The following TLE4 variants were observed in gnomAD, a reference collection of about 807,000 sequenced individuals.
TLE4 encodes the protein TLE family member 4, transcriptional corepressor.
A neutral mutation model predicts 92.8 loss-of-function variants in TLE4; 8 were observed. The observed-to-expected ratio is 0.09, with a 90% CI of 0.05 to 0.16. The LOEUF is 0.16. TLE4 is among the 10% of genes least tolerant of loss of function. The pLI is 1.00. For synonymous variants in TLE4, 371 were observed against 374.1 expected, an observed-to-expected ratio of 0.99 and a Z score of 0.10; for missense variants, 675 against 997.6, an observed-to-expected ratio of 0.68 and a Z score of 4.36.
intron 4 of TLE4, among the ~76,000 whole-genome samples, chr9:79,602,732 C>T (rs11999556): frequency 0.14 from 21,833 of 152,054 alleles, 1,732 homozygotes; most frequent in African/African-American, 0.2. Context: ...TTCTGTAGCC[C>T]GTGGATCAAG....
At chr9:79,584,325 C>T (rs1297950256) in intron 4 of TLE4, among the ~76,000 whole-genome samples, 3 of 152,208 alleles carry the variant, frequency 2.0e-5, no homozygotes, top group Non-Finnish European at 1.5e-5. Context: ...CCTCCCCTCC[C>T]TTCTACCCTC....
intron 6 of TLE4, among the ~76,000 whole-genome samples, chr9:79,644,014 G>A (rs1016455366): frequency 1.3e-5 from 2 of 151,980 alleles, no homozygotes; most frequent in African/African-American, 4.8e-5. Flanking sequence ...TTTATTATTT[G>A]CCAAACACTG....
intron 8 of TLE4, among the ~76,000 whole-genome samples, chr9:79,683,609 A>G (rs1321239280): frequency 6.6e-6 from 1 of 152,220 alleles, no homozygotes. Flanking sequence ...TTACATCAAC[A>G]TACAACTTTT....
intron 8 of TLE4, among the ~76,000 whole-genome samples, chr9:79,683,489 C>G (rs1263569595): frequency 6.6e-6 from 1 of 152,186 alleles, no homozygotes; most frequent in Non-Finnish European, 1.5e-5. Context: ...CACCATTACT[C>G]TGGTCCCTTA....
chr9:79,573,507 C>G (rs1039707735), intron 1 of TLE4, 182 bp from the exon 2 acceptor site: 10 of 838,754 alleles, frequency 1.2e-5, no homozygotes, highest in Non-Finnish European at 1.5e-5. Context: ...AGGACCACCT[C>G]GAAACCAGCC....
intron 8 of TLE4, among the ~76,000 whole-genome samples, chr9:79,687,136 C>T (rs537132027): frequency 7.9e-5 from 12 of 152,258 alleles, no homozygotes; most frequent in African/African-American, 2.4e-4. Context: ...CCTCAGTTTG[C>T]GTTTATGTAG....
intron 8 of TLE4, among the ~76,000 whole-genome samples, chr9:79,666,016 C>T (rs1054096634): frequency 1.6e-4 from 25 of 152,102 alleles, no homozygotes; most frequent in African/African-American, 5.8e-4. Context: ...TTTGAAAGCA[C>T]AATTTTTTAT....
At position 79,652,622 on chromosome 9, in the gene TLE4, T is replaced by C; in HGVS notation, c.420T>C (p.His140=). ...GQQLQAQHLS[H]GHGLPVPLTP... ...AACTCCAGGCCCAGCATTTATCACA[T>C]GGACATGGTCTCCCCGTACCTCTGA... The change falls in exon 7 of 20, where the codon CAT becomes CAC. Residue 140 remains histidine (H), a synonymous_variant. Coordinates refer to ENST00000376552, the MANE Select transcript of TLE4 (RefSeq NM_007005.6). 6.2e-7 allele frequency: 1 copy of C among 1,614,168 alleles called. No individual in the cohort carries two copies.
At chr9:79,684,719 A>G (rs1054962229) in intron 8 of TLE4, among the ~76,000 whole-genome samples, 1 of 152,130 alleles carries the variant, frequency 6.6e-6, no homozygotes, top group Non-Finnish European at 1.5e-5. Context: ...TCATGTATCT[A>G]TGGTATCCCT....
At chr9:79,655,710 T>G (rs955788350) in intron 8 of TLE4, among the ~76,000 whole-genome samples, 7 of 152,234 alleles carry the variant, frequency 4.6e-5, no homozygotes, top group African/African-American at 1.7e-4. Flanking sequence ...TAGGAAGTAG[T>G]AAGTAAATGC....
intron 8 of TLE4, among the ~76,000 whole-genome samples, chr9:79,664,834 C>T (rs2061130458): frequency 6.6e-6 from 1 of 152,130 alleles, no homozygotes; most frequent in Non-Finnish European, 1.5e-5. Context: ...TTTTGCTCAC[C>T]CTTGTCATTT....
At chr9:79,643,756 A>C (rs12554183) in intron 6 of TLE4, among the ~76,000 whole-genome samples, 21,172 of 152,208 alleles carry the variant, frequency 0.14, 1,856 homozygotes, top group African/African-American at 0.25. Context: ...CACTATGAAT[A>C]ACCTGTTTCC....
At chr9:79,676,273 A>G (rs1025250038) in intron 8 of TLE4, among the ~76,000 whole-genome samples, 1 of 152,158 alleles carries the variant, frequency 6.6e-6, no homozygotes, top group Non-Finnish European at 1.5e-5. Context: ...TACTGAAACT[A>G]TTTTGGCTCA....
intron 4 of TLE4, among the ~76,000 whole-genome samples, chr9:79,588,730 T>C (rs1467399701): frequency 1.3e-5 from 2 of 152,208 alleles, no homozygotes; most frequent in Non-Finnish European, 2.9e-5. Flanking sequence ...CACATGGGAA[T>C]GTTCAGGGAA....
chr9:79,606,187 G>GTTGTTTTTTTTTTTTTTTTTTTT (rs2046834923), intron 4 of TLE4, among the ~76,000 whole-genome samples: 1 of 28,674 alleles, frequency 3.5e-5, no homozygotes, highest in Non-Finnish European at 6.4e-5. Context: ...AGTAGTAGTT[G>GTTGTTTTTTTTTTTTTTTTTTTT]TTTTTTTTTT....
chr9:79,601,395 T>TG (rs1223505062), intron 4 of TLE4: 5 of 456,610 alleles, frequency 1.1e-5, no homozygotes, highest in African/African-American at 4.0e-5. Flanking sequence ...TACTGGGTCT[T>TG]GCTTTATTGT....
Position 79,576,293 on chromosome 9 carries a change from A to G in TLE4, c.252+116A>G, listed in dbSNP as rs1347300216. On this transcript the variant is annotated intron_variant, in intron 4 of 19. Coordinates refer to ENST00000376552, the MANE Select transcript of TLE4 (RefSeq NM_007005.6). ...GCCGTTGTGGCTACCTGTATTTAAAAGTCTGGGTAGTGAAGAAAATGCTGT... is the reference window on the plus strand; with the variant it reads ...GCCGTTGTGGCTACCTGTATTTAAAGGTCTGGGTAGTGAAGAAAATGCTGT... The G allele has an allele frequency of 6.5e-6, 4 of 613,144 alleles. No individual in the cohort carries two copies. The East Asian group carries it at 1.2e-4, about 19-fold the overall frequency. The allele number at this position is 613,144 out of a possible 1,614,324, so 38.0% of individuals were successfully genotyped here.
rs1236642242 is a variant in TLE4, at chr9:79,708,557, GTTC to G, written c.1070-32_1070-30del. 5 of 1,579,748 alleles carry G rather than the reference GTTC, an allele frequency of 3.2e-6. No homozygotes were observed. In the Admixed American group the frequency reaches 5.2e-5, roughly 17 times the overall value. On this transcript the variant is annotated intron_variant, in intron 12 of 19. Coordinates refer to ENST00000376552, the MANE Select transcript of TLE4 (RefSeq NM_007005.6). ...AAATGTCTTCACTGTTGTTTCCTGT[GTTC>G]TTCATTTTTCTTCCATCCATTTTGG... is the stretch of plus-strand genomic sequence containing the variant.
chr9:79,717,082 T>A (rs965663309), intron 14 of TLE4, among the ~76,000 whole-genome samples: 11 of 152,208 alleles, frequency 7.2e-5, no homozygotes, highest in Non-Finnish European at 1.3e-4. Context: ...TCTGGTCTGC[T>A]TTTCACTGCA....
Sources: gnomAD v4.1 joint callset for allele counts (sites outside exome capture counted in the v4.1 genomes callset) on GRCh38, gnomAD v4.1.1 for gene constraint, MANE v1.5 for transcripts, NCBI Gene and HGNC (gene_info 2026-07-23, HGNC 2026-07-21) for gene names.